CADPS: variants seen among roughly 807,000 people sequenced by gnomAD.
CADPS encodes the protein calcium-dependent secretion activator 1.
In CADPS, 57 loss-of-function variants were observed where a neutral mutation model predicts 167.3. The observed-to-expected ratio is 0.34, with a 90% CI of 0.28 to 0.42. The LOEUF is 0.42. Among genes scored for constraint, CADPS ranks in the 20% least tolerant of loss-of-function variants. The pLI, the probability that CADPS is intolerant of heterozygous loss-of-function variation, is 1.00. For missense variants in CADPS, 1,414 were observed against 1,738.1 expected, an observed-to-expected ratio of 0.81 and a Z score of 3.32; for synonymous variants, 676 against 635.3, an observed-to-expected ratio of 1.06 and a Z score of -0.96.
chr3:62,616,504 T>C (rs989779854), intron 6 of CADPS, among the ~76,000 whole-genome samples: 3 of 152,200 alleles, frequency 2.0e-5, no homozygotes, highest in Admixed American at 2.0e-4. Flanking sequence ...GTTCAGGGAC[T>C]TACATTCAGA....
intron 13 of CADPS, among the ~76,000 whole-genome samples, chr3:62,531,530 G>GAA (rs11455566): frequency 1.3e-5 from 2 of 152,148 alleles, no homozygotes; most frequent in Non-Finnish European, 2.9e-5. Flanking sequence ...GAAAAGCACA[G>GAA]AAAAAATCCT....
chr3:62,812,445 G>C (rs1409661888), intron 1 of CADPS, among the ~76,000 whole-genome samples: 2 of 152,146 alleles, frequency 1.3e-5, no homozygotes. Context: ...TCATTCCTTA[G>C]AAATGATCCC....
chr3:62,709,982 G>C (rs191518510), intron 3 of CADPS, among the ~76,000 whole-genome samples: 2 of 151,518 alleles, frequency 1.3e-5, no homozygotes, highest in Admixed American at 1.3e-4. Flanking sequence ...ATGTTGGCCA[G>C]ACTGGATCAC....
rs116814480 is a variant in CADPS at position 62,752,717 on chromosome 3, T to G, written c.888+724A>C. Among the ~76,000 whole-genome samples, 551 of 152,356 alleles carry G rather than the reference T, an allele frequency of 3.6e-3. 1 individual carries two copies. Among genetic ancestry groups the G allele is most frequent in the African/African-American group, 0.012 (512 of 41,576 alleles). On this transcript the variant is annotated intron_variant, in intron 3 of 29. Transcript: ENST00000383710. ...TCTGAGGCTGCAGAATGAGAATCTC[T>G]AGGGCTAGCAGCTGGGAATGTGCAT...
intron 15 of CADPS, 28 bp downstream of exon 15, chr3:62,516,552 G>T: frequency 6.6e-7 from 1 of 1,512,254 alleles, no homozygotes; most frequent in African/African-American, 1.4e-5. Context: ...TTATATATAT[G>T]TGATCTATCT....
At chr3:62,608,660 A>G (rs1431808705) in intron 6 of CADPS, among the ~76,000 whole-genome samples, 2 of 152,136 alleles carry the variant, frequency 1.3e-5, no homozygotes, top group African/African-American at 4.8e-5. Flanking sequence ...TTTTGATTTT[A>G]TAGTTATCTT....
intron 6 of CADPS, among the ~76,000 whole-genome samples, chr3:62,599,007 C>G (rs2059309398): frequency 6.6e-6 from 1 of 152,070 alleles, no homozygotes; most frequent in Non-Finnish European, 1.5e-5. Context: ...TTTGGTGGGG[C>G]CACACACCCA....
At chr3:62,635,241 A>C (rs941528750) in intron 6 of CADPS, among the ~76,000 whole-genome samples, 1 of 152,224 alleles carries the variant, frequency 6.6e-6, no homozygotes, top group Non-Finnish European at 1.5e-5. Flanking sequence ...GATTTGACAC[A>C]GCAGGGAGAA....
Position 62,526,569 on chromosome 3 carries a change from C to A in CADPS, c.2291+6302G>T, listed in dbSNP as rs530327514. ...AAAGTGATGCTAATCTAAATGTCAT[C>A]TAGAAAGAATACTAAAAATATTATG... is the stretch of plus-strand genomic sequence containing the variant. On this transcript the variant is annotated intron_variant, in intron 13 of 29. Coordinates refer to ENST00000383710, the MANE Select transcript of CADPS (RefSeq NM_003716.4). Among the ~76,000 whole-genome samples the A allele has an allele frequency of 9.2e-5, 14 of 152,264 alleles. No homozygotes were observed. In the South Asian group the frequency reaches 2.7e-3, roughly 29 times the overall value.
chr3:62,812,016 A>G (rs1328047583), intron 1 of CADPS, among the ~76,000 whole-genome samples: 1 of 152,162 alleles, frequency 6.6e-6, no homozygotes, highest in African/African-American at 2.4e-5. Flanking sequence ...ATGTAATGGT[A>G]TATATAAAAT....
At chr3:62,429,719 A>C (rs995009479) in intron 28 of CADPS, among the ~76,000 whole-genome samples, 13 of 151,954 alleles carry the variant, frequency 8.6e-5, no homozygotes, top group Admixed American at 4.6e-4. Flanking sequence ...GAAAAAAAAA[A>C]ACCCCTGTTC....
In CADPS at chr3:62,686,290, A is replaced by G. The variant is rs368724021; in HGVS notation, c.889-23896T>C. 6.6e-5 allele frequency among the ~76,000 whole-genome samples: 10 copies of G among 152,162 alleles called. No homozygotes were observed. In the East Asian group the frequency reaches 1.9e-3, roughly 30 times the overall value. On this transcript the variant is annotated intron_variant, in intron 3 of 29. Coordinates refer to ENST00000383710, the MANE Select transcript of CADPS (RefSeq NM_003716.4). ...AACACTTCAGAGGCATAAAATATCTATGTCTTCCTGCAGAGGGAAAACAAC... is the reference window on the plus strand; with the variant it reads ...AACACTTCAGAGGCATAAAATATCTGTGTCTTCCTGCAGAGGGAAAACAAC...
intron 1 of CADPS, among the ~76,000 whole-genome samples, chr3:62,850,868 G>C (rs1225322383): frequency 6.6e-6 from 1 of 151,876 alleles, no homozygotes; most frequent in African/African-American, 2.4e-5. Flanking sequence ...AATGTTGACA[G>C]TGGGGTGTTA....
intron 27 of CADPS, among the ~76,000 whole-genome samples, chr3:62,444,614 A>G (rs6799019): frequency 1 from 152,325 of 152,352 alleles, 76,149 homozygotes; most frequent in Middle Eastern, 1. Flanking sequence ...ACCTGAAGGA[A>G]TCTGAGGTTT....
chr3:62,755,201 G>T (rs908705457), intron 2 of CADPS, among the ~76,000 whole-genome samples: 5 of 152,200 alleles, frequency 3.3e-5, no homozygotes, highest in African/African-American at 4.8e-5. Context: ...TTCCCTGCAG[G>T]GTTCTCCTGC....
chr3:62,480,339 TCA>T (rs756585354), intron 22 of CADPS, among the ~76,000 whole-genome samples: 15 of 152,234 alleles, frequency 9.9e-5, no homozygotes, highest in Non-Finnish European at 1.5e-4. Flanking sequence ...TTTAAATTTT[TCA>T]CAGATACTAC....
intron 1 of CADPS, among the ~76,000 whole-genome samples, chr3:62,806,570 C>A (rs964179358): frequency 2.6e-5 from 4 of 152,020 alleles, no homozygotes; most frequent in African/African-American, 9.7e-5. Context: ...GTCTTTCTCT[C>A]ACTTAGTCCT....
At chr3:62,547,858 A>T (rs1250408207) in intron 11 of CADPS, among the ~76,000 whole-genome samples, 1 of 151,826 alleles carries the variant, frequency 6.6e-6, no homozygotes, top group Admixed American at 6.6e-5. Context: ...TTTTTAATCG[A>T]TTTCTTGTCT....
intron 1 of CADPS, among the ~76,000 whole-genome samples, chr3:62,821,815 C>T (rs1167590772): frequency 1.3e-5 from 2 of 152,180 alleles, no homozygotes; most frequent in Non-Finnish European, 2.9e-5. Context: ...CCATAACAGT[C>T]TCCCAAGGCT....
Sources: allele counts gnomAD v4.1 joint callset (sites outside exome capture counted in the v4.1 genomes callset), GRCh38; gene constraint gnomAD v4.1.1; transcripts MANE v1.5; gene names NCBI Gene and HGNC (gene_info 2026-07-23, HGNC 2026-07-21).